NIPA2: variants seen among roughly 807,000 people sequenced by gnomAD.
NIPA2 encodes the protein NIPA magnesium transporter 2.
In NIPA2, 11 loss-of-function variants were observed where a neutral mutation model predicts 29.7. That is an observed-to-expected ratio of 0.37 (90% confidence interval 0.23 to 0.61). NIPA2 has a LOEUF of 0.61. NIPA2 is among the 20% of genes least tolerant of loss of function. The pLI is 0.66. For synonymous variants in NIPA2, 183 were observed against 161.9 expected, an observed-to-expected ratio of 1.13 and a Z score of -0.99; for missense variants, 426 against 437.9, an observed-to-expected ratio of 0.97 and a Z score of 0.24.
chr15:22,853,594 T>C (rs2057945759), intron 5 of NIPA2, among the ~76,000 whole-genome samples: 1 of 152,108 alleles, frequency 6.6e-6, no homozygotes. Flanking sequence ...CAGGCTGGTC[T>C]CAAACTCCTG....
Position 22,867,335 on chromosome 15 carries a change from A to ATAT in NIPA2, c.*490_*492dup, listed in dbSNP as rs1016119559. On this transcript the variant is annotated 3_prime_UTR_variant, in exon 8 of 8. Transcript: ENST00000337451. ...GATGATGATTGGTTTTATTTTTGAAATATTTATTAAGGGAAAACTAAGTTA... is the reference window on the plus strand; with the variant it reads ...GATGATGATTGGTTTTATTTTTGAAATATTATTTATTAAGGGAAAACTAAGTTA... 2.5e-5 allele frequency: 10 copies of ATAT among 396,404 alleles called. No individual in the cohort carries two copies. Among genetic ancestry groups the ATAT allele is most frequent in the African/African-American group, 8.2e-5 (4 of 48,502 alleles). The allele number at this position is 396,404 out of a possible 1,614,324, so 24.6% of individuals were successfully genotyped here.
chr15:22,865,440 C>T (rs1194672987), intron 7 of NIPA2, among the ~76,000 whole-genome samples: 7 of 151,616 alleles, frequency 4.6e-5, no homozygotes, highest in African/African-American at 7.3e-5. Flanking sequence ...GAGCCGAGAT[C>T]GCACCACTGC....
At position 22,866,520 on chromosome 15, in the gene NIPA2, T is replaced by TTATG. The variant is rs751320879; in HGVS notation, c.760_763dup (p.Phe255CysfsTer16). On this transcript the variant is annotated frameshift_variant, in exon 8 of 8. Coordinates refer to ENST00000337451, the MANE Select transcript of NIPA2 (RefSeq NM_030922.7). LOFTEE classifies it high-confidence loss of function. ...ACACTTCCATTGTGACTCCAATATA[T>TTATG]TATGTATTCTTTACAACATCAGTTT... 1 of 1,613,816 alleles carries TTATG rather than the reference T, an allele frequency of 6.2e-7. No individual in the cohort carries two copies. Among genetic ancestry groups the TTATG allele is most frequent in the South Asian group, 1.1e-5 (1 of 91,074 alleles).
Position 22,838,698 on chromosome 15 carries a change from G to A in NIPA2, c.-575G>A, listed in dbSNP as rs541136054. On this transcript the variant is annotated 5_prime_UTR_variant, in exon 1 of 8. Transcript: ENST00000337451. Reference sequence around the variant, plus strand: ...GGCCCTAGGTCCCGGCAGCGGTGGTGACGGCGGTGCCGGAGGTTGTCCTTG... The same window carrying A: ...GGCCCTAGGTCCCGGCAGCGGTGGTAACGGCGGTGCCGGAGGTTGTCCTTG... 1.3e-5 allele frequency: 2 copies of A among 152,630 alleles called. No individual in the cohort carries two copies. Among genetic ancestry groups the A allele is most frequent in the South Asian group, 2.1e-4 (1 of 4,832 alleles). The allele number at this position is 152,630 out of a possible 1,614,324, so 9.5% of individuals were successfully genotyped here. A position where few individuals can be genotyped will look rare whatever the true frequency, so the allele number is the denominator to read the frequency against.
Position 22,867,204 on chromosome 15 carries a change from C to CATCA in NIPA2, c.*361_*364dup. The CATCA allele has an allele frequency of 2.4e-6, 1 of 421,454 alleles. No individual in the cohort carries two copies. Among genetic ancestry groups the CATCA allele is most frequent in the Non-Finnish European group, 4.2e-6 (1 of 240,346 alleles). 26.1% of individuals were successfully genotyped at this position (421,454 alleles called of 1,614,324 possible). A position where few individuals can be genotyped will look rare whatever the true frequency, so the allele number is the denominator to read the frequency against. ...AAATGTGCATTTGTCATCCCCACTC[C>CATCA]ATCAATCCCTGACCATGTAAGGCTT... On this transcript the variant is annotated 3_prime_UTR_variant, in exon 8 of 8. Coordinates refer to ENST00000337451, the MANE Select transcript of NIPA2 (RefSeq NM_030922.7).
chr15:22,850,847 A>C (rs2057679493), intron 3 of NIPA2, among the ~76,000 whole-genome samples: 1 of 152,232 alleles, frequency 6.6e-6, no homozygotes, highest in South Asian at 2.1e-4. Context: ...AAAAATCCCA[A>C]GATGTGCTAG....
At chr15:22,843,641 T>G (rs1178178630) in intron 2 of NIPA2, among the ~76,000 whole-genome samples, 1 of 149,256 alleles carries the variant, frequency 6.7e-6, no homozygotes, top group African/African-American at 2.5e-5. Flanking sequence ...TTTGGTGTAA[T>G]TTTTTCAATT....
intron 2 of NIPA2, among the ~76,000 whole-genome samples, chr15:22,843,521 T>C (rs977676016): frequency 7.4e-5 from 11 of 148,714 alleles, no homozygotes; most frequent in Admixed American, 5.5e-4. Flanking sequence ...AAAAAAAAAA[T>C]CTCTGGACCT....
In NIPA2 at chr15:22,841,613, AT is replaced by A. The variant is rs553646674; in HGVS notation, c.-216+1825del. 3.0e-3 allele frequency among the ~76,000 whole-genome samples: 454 copies of A among 151,918 alleles called. 5 individuals carry two copies. The highest frequency in any genetic ancestry group is 0.01 in the African/African-American group (431 of 41,406). ...AACCTCCGCCCTCCAGTTTCTAGCG[AT>A]TCTCCTGCCTCAGCCTCCCGAGTAG... is the stretch of plus-strand genomic sequence containing the variant. On this transcript the variant is annotated intron_variant, in intron 2 of 7. Coordinates refer to ENST00000337451, the MANE Select transcript of NIPA2 (RefSeq NM_030922.7).
chr15:22,862,299 C>T lies in NIPA2; in HGVS notation c.448+1510C>T, dbSNP rs201148391. 9.3e-5 allele frequency among the ~76,000 whole-genome samples: 14 copies of T among 149,980 alleles called. No homozygotes were observed. The South Asian group carries it at 1.9e-3, about 20-fold the overall frequency. On this transcript the variant is annotated intron_variant, in intron 7 of 7. Coordinates refer to ENST00000337451, the MANE Select transcript of NIPA2 (RefSeq NM_030922.7). ...CTGACCTCAGGTGATCCACCTGCCT[C>T]GGCCTCCCAAAGTGCTGGGATTACA... is the stretch of plus-strand genomic sequence containing the variant.
chr15:22,864,845 A>G (rs2058872397), intron 7 of NIPA2, among the ~76,000 whole-genome samples: 1 of 146,098 alleles, frequency 6.8e-6, no homozygotes, highest in Admixed American at 6.7e-5. Context: ...TTTCTGACTT[A>G]CGAAGGATTG....
intron 7 of NIPA2, among the ~76,000 whole-genome samples, chr15:22,864,846 C>A (rs555457278): frequency 2.7e-5 from 4 of 145,780 alleles, no homozygotes; most frequent in African/African-American, 1.1e-4. Flanking sequence ...TTCTGACTTA[C>A]GAAGGATTGT....
At chr15:22,844,534 A>C (rs1898072263) in intron 2 of NIPA2, among the ~76,000 whole-genome samples, 1 of 149,092 alleles carries the variant, frequency 6.7e-6, no homozygotes, top group South Asian at 2.1e-4. Flanking sequence ...AGCCCGGGCG[A>C]CAGTGCAAGA....
chr15:22,839,901 T>G (rs1428355515), intron 2 of NIPA2, 111 bp downstream of exon 2: 1 of 152,264 alleles, frequency 6.6e-6, no homozygotes, highest in Non-Finnish European at 1.5e-5. Context: ...ATTAGCCAAG[T>G]GAGAGGTTGG....
At position 22,865,114 on chromosome 15, in the gene NIPA2, G is replaced by A. The variant is rs557652270; in HGVS notation, c.449-1099G>A. Among the ~76,000 whole-genome samples the A allele has an allele frequency of 9.2e-5, 14 of 151,874 alleles. No homozygotes were observed. In the East Asian group the frequency reaches 1.6e-3, roughly 17 times the overall value. On this transcript the variant is annotated intron_variant, in intron 7 of 7. Coordinates refer to ENST00000337451, the MANE Select transcript of NIPA2 (RefSeq NM_030922.7). The stretch of plus-strand genomic sequence containing the variant: ...TGACCTCAGGTGATCTGCCATCCTC[G>A]GCCTCCCAGTGCTGGGATTACAGGC...
Position 22,851,873 on chromosome 15 carries a change from A to G in NIPA2, c.139+3A>G, listed in dbSNP as rs1485267029. The G allele has an allele frequency of 6.2e-7, 1 of 1,612,302 alleles. No individual in the cohort carries two copies. The highest frequency in any genetic ancestry group is 8.5e-7 in the Non-Finnish European group (1 of 1,179,388). ...CAGGAAAGGCTCTATGAGAGCAGGTAGGTTATGCCTTATGTGACTTTGAAG... is the reference window on the plus strand; with the variant it reads ...CAGGAAAGGCTCTATGAGAGCAGGTGGGTTATGCCTTATGTGACTTTGAAG... On this transcript the variant is annotated splice_donor_region_variant and intron_variant, in intron 4 of 7. Transcript: ENST00000337451.
chr15:22,857,332 G>A (rs947913708), intron 5 of NIPA2, among the ~76,000 whole-genome samples: 2 of 151,938 alleles, frequency 1.3e-5, no homozygotes, highest in African/African-American at 4.8e-5. Context: ...AGCTACTTGG[G>A]AGGCTGAGGC....
intron 7 of NIPA2, among the ~76,000 whole-genome samples, chr15:22,862,804 C>T (rs2058711324): frequency 1.3e-5 from 2 of 151,250 alleles, no homozygotes; most frequent in Non-Finnish European, 1.5e-5. Flanking sequence ...TAAATTTCTT[C>T]TGGTAGGCAG....
At chr15:22,850,924 C>G (rs2057685816) in intron 3 of NIPA2, among the ~76,000 whole-genome samples, 1 of 152,164 alleles carries the variant, frequency 6.6e-6, no homozygotes, top group South Asian at 2.1e-4. Flanking sequence ...TCTCTGCTAT[C>G]CACACTGTGC....
Sources: allele counts gnomAD v4.1 joint callset (sites outside exome capture counted in the v4.1 genomes callset), GRCh38; gene constraint gnomAD v4.1.1; transcripts MANE v1.5; gene names NCBI Gene and HGNC (gene_info 2026-07-23, HGNC 2026-07-21).